DLGAP2: variants seen among roughly 807,000 people sequenced by gnomAD.
DLGAP2 encodes disks large-associated protein 2.
DLGAP2 carries 26 observed loss-of-function variants against 100.3 expected under a neutral mutation model. The observed-to-expected ratio is 0.26, with a 90% CI of 0.19 to 0.36. DLGAP2 has a LOEUF of 0.36. Ranked by LOEUF, DLGAP2 falls within the 10% of genes least tolerant of loss-of-function variation. DLGAP2 has a pLI of 1.00. For synonymous variants in DLGAP2, 886 were observed against 630.1 expected (o/e 1.41, Z -6.08); for missense variants, 1,858 against 1,453.2 (o/e 1.28, Z -4.53).
intron 3 of DLGAP2, among the ~76,000 whole-genome samples, chr8:1,318,762 C>G (rs1473468418): frequency 6.8e-6 from 1 of 148,086 alleles, no homozygotes; most frequent in Non-Finnish European, 1.5e-5. Context: ...TGTAACTAAT[C>G]CATTGTCAGT....
At chr8:769,634 G>A (rs531050231) in intron 1 of DLGAP2, among the ~76,000 whole-genome samples, 27 of 152,206 alleles carry the variant, frequency 1.8e-4, no homozygotes, top group Admixed American at 5.2e-4. Context: ...TGACGTGTTG[G>A]GATTTGAGTG....
intron 2 of DLGAP2, among the ~76,000 whole-genome samples, chr8:973,874 G>A (rs796788802): frequency 1.4e-4 from 21 of 150,484 alleles, no homozygotes; most frequent in African/African-American, 4.8e-4. Context: ...CACGGGCCAG[G>A]CCTCTTCCCC....
intron 8 of DLGAP2, among the ~76,000 whole-genome samples, chr8:1,660,431 C>T (rs2130823831): frequency 6.6e-6 from 1 of 152,302 alleles, no homozygotes; most frequent in African/African-American, 2.4e-5. Flanking sequence ...TATACGCCCA[C>T]TGTAAGTGAG....
chr8:1,132,963 G>C (rs1796327974), intron 2 of DLGAP2, among the ~76,000 whole-genome samples: 1 of 152,148 alleles, frequency 6.6e-6, no homozygotes, highest in African/African-American at 2.4e-5. Flanking sequence ...AAGGCCCTCA[G>C]GGAGAAATTT....
chr8:1,415,390 G>C (rs1796854462), intron 3 of DLGAP2, among the ~76,000 whole-genome samples: 1 of 152,100 alleles, frequency 6.6e-6, no homozygotes, highest in Non-Finnish European at 1.5e-5. Flanking sequence ...ACTGAAGTTT[G>C]AGGTGCAAAT....
At chr8:806,613 C>T (rs545819538) in intron 1 of DLGAP2, among the ~76,000 whole-genome samples, 3 of 152,172 alleles carry the variant, frequency 2.0e-5, no homozygotes, top group Admixed American at 1.3e-4. Flanking sequence ...CTTCCTTGCT[C>T]GGCTGCTCCT....
intron 2 of DLGAP2, among the ~76,000 whole-genome samples, chr8:1,207,346 T>C (rs1017232647): frequency 6.6e-6 from 1 of 152,254 alleles, no homozygotes; most frequent in Non-Finnish European, 1.5e-5. Context: ...TTTCCATTCT[T>C]GTGTTACTTC....
Position 1,626,077 on chromosome 8 carries a change from TGGCG to T in DLGAP2, c.1443-660_1443-657del, listed in dbSNP as rs1563265039. Among the ~76,000 whole-genome samples the T allele has an allele frequency of 2.1e-3, 281 of 131,700 alleles. 16 individuals carry two copies. The highest frequency in any genetic ancestry group is 2.4e-3 in the Non-Finnish European group (157 of 65,586). The allele number at this position is 131,700 out of a possible 152,430, so 86.4% of individuals were successfully genotyped here. A position where few individuals can be genotyped will look rare whatever the true frequency, so the allele number is the denominator to read the frequency against. On this transcript the variant is annotated intron_variant, in intron 6 of 14. Coordinates refer to ENST00000637795, the MANE Select transcript of DLGAP2 (RefSeq NM_001346810.2). ...GGATGGCTTTCCCATCTCTGGCCTG[TGGCG>T]GGTGCTCAGCCTCTGGGTGTGGGTT...
chr8:1,013,408 C>G (rs1219430925), intron 2 of DLGAP2, among the ~76,000 whole-genome samples: 1 of 152,092 alleles, frequency 6.6e-6, no homozygotes, highest in Non-Finnish European at 1.5e-5. Flanking sequence ...TGTCCTGACT[C>G]TCTAGGGAGA....
intron 3 of DLGAP2, among the ~76,000 whole-genome samples, chr8:1,450,414 T>G (rs4439157): frequency 0.014 from 247 of 18,020 alleles, 12 homozygotes; most frequent in Non-Finnish European, 0.017. Flanking sequence ...TGGCTGAGGC[T>G]GAGCTGTGAG....
At chr8:1,207,565 T>A (rs1798022394) in intron 2 of DLGAP2, among the ~76,000 whole-genome samples, 1 of 152,214 alleles carries the variant, frequency 6.6e-6, no homozygotes, top group Non-Finnish European at 1.5e-5. Context: ...ATGAGCCTTT[T>A]CTTCTGGGCA....
chr8:1,666,434 A>G (rs1798545551), intron 8 of DLGAP2, among the ~76,000 whole-genome samples: 1 of 152,160 alleles, frequency 6.6e-6, no homozygotes, highest in Non-Finnish European at 1.5e-5. Flanking sequence ...GTACTTTGGG[A>G]GACCGAGGTG....
intron 6 of DLGAP2, among the ~76,000 whole-genome samples, chr8:1,568,217 TC>T (rs1802488486): frequency 7.5e-6 from 1 of 133,462 alleles, no homozygotes; most frequent in Non-Finnish European, 1.6e-5. Context: ...CATGCCACTG[TC>T]CACTCAGTAG....
intron 2 of DLGAP2, among the ~76,000 whole-genome samples, chr8:1,008,920 G>A (rs1801199388): frequency 1.3e-5 from 2 of 152,240 alleles, no homozygotes; most frequent in Admixed American, 1.3e-4. Context: ...GCAACCCTGT[G>A]AGGAGCTGGA....
chr8:900,744 C>T (rs1207173070), intron 1 of DLGAP2, among the ~76,000 whole-genome samples: 1 of 152,080 alleles, frequency 6.6e-6, no homozygotes, highest in Non-Finnish European at 1.5e-5. Context: ...AGGTTAACAG[C>T]AGGATGGCAG....
rs371058596 is a variant in DLGAP2, at chr8:802,937, G to A, written c.18+65112G>A. Among the ~76,000 whole-genome samples the A allele has an allele frequency of 6.0e-4, 91 of 152,296 alleles. 1 individual carries two copies. In the South Asian group the frequency reaches 0.013, roughly 22 times the overall value. ...GATTTTACACATAGTCTAAATAAAG[G>A]AAAGGTGGGTGGGGTCAAAAGAGGT... On this transcript the variant is annotated intron_variant, in intron 1 of 14. Coordinates refer to ENST00000637795, the MANE Select transcript of DLGAP2 (RefSeq NM_001346810.2).
chr8:1,697,321 C>T (rs927912426), intron 14 of DLGAP2, 22 bp downstream of exon 14: 3 of 1,568,248 alleles, frequency 1.9e-6, no homozygotes, highest in Non-Finnish European at 2.6e-6. Context: ...CATGCAGGGC[C>T]GGCTCCCAGC....
At chr8:1,338,551 A>G (rs1199004780) in intron 3 of DLGAP2, among the ~76,000 whole-genome samples, 1 of 152,260 alleles carries the variant, frequency 6.6e-6, no homozygotes, top group Non-Finnish European at 1.5e-5. Flanking sequence ...TTGAAATTAC[A>G]TAGCGGTGAT....
chr8:1,586,634 A>T (rs1398895398), intron 6 of DLGAP2, among the ~76,000 whole-genome samples: 1 of 152,202 alleles, frequency 6.6e-6, no homozygotes, highest in Non-Finnish European at 1.5e-5. Flanking sequence ...CCAGCGTGGA[A>T]GGCCCTAGGG....
Sources: gnomAD v4.1 joint callset for allele counts (sites outside exome capture counted in the v4.1 genomes callset) on GRCh38, gnomAD v4.1.1 for gene constraint, MANE v1.5 for transcripts, NCBI Gene and HGNC (gene_info 2026-07-23, HGNC 2026-07-21) for gene names.